Variants in RAPGEF3 observed in about 807,000 individuals in gnomAD.
The protein encoded by RAPGEF3 is Rap guanine nucleotide exchange factor 3, also known as 9330170P05Rik.
Under a neutral mutation model 129.8 loss-of-function variants are expected in RAPGEF3, and 103 were observed. The ratio of observed to expected loss-of-function variants is 0.79; its 90% CI spans 0.68 to 0.93. RAPGEF3 has a LOEUF of 0.93. Ranked by LOEUF, RAPGEF3 falls within the 40% of genes least tolerant of loss-of-function variation. RAPGEF3 has a pLI of 0.00. For synonymous variants in RAPGEF3, 436 were observed against 482.6 expected (o/e 0.90, Z 1.26); for missense variants, 1,117 against 1,207.4 (o/e 0.93, Z 1.11).
In RAPGEF3 at chr12:47,749,257, T is replaced by C; in HGVS notation, c.1041+133A>G. 2 of 1,135,866 alleles carry C rather than the reference T, an allele frequency of 1.8e-6. No individual in the cohort carries two copies. Among genetic ancestry groups the C allele is most frequent in the Non-Finnish European group, 2.6e-6 (2 of 774,216 alleles). 70.4% of individuals were successfully genotyped at this position (1,135,866 alleles called of 1,614,324 possible). Reference sequence around the variant, plus strand: ...CACACACCCAGGGCTATGGTCCCACTGCCAGCTGTCATAGCCCAGCATCTC... The same window carrying C: ...CACACACCCAGGGCTATGGTCCCACCGCCAGCTGTCATAGCCCAGCATCTC... On this transcript the variant is annotated intron_variant, in intron 10 of 27. Transcript: ENST00000449771. This position sits in a 1 kb window ranked among gnomAD's most constrained non-coding sequence, Gnocchi z 4.5.
chr12:47,737,667 C>A lies in RAPGEF3; in HGVS notation c.2672G>T (p.Ser891Ile), dbSNP rs143379828. 3 of 1,613,312 alleles carry A rather than the reference C, an allele frequency of 1.9e-6. No homozygotes were observed. The highest frequency in any genetic ancestry group is 2.7e-5 in the African/African-American group (2 of 74,932). ...RISTCSEQSL[S>I]TRSPASTWAY... ...CCAGGTGCTGGCTGGACTCCGGGTG[C>A]TCAGGGACTGCTCCGAGCCTGGTGG... Residue 891 changes from serine to isoleucine, a missense_variant, in exon 28 of 28, where the codon AGC becomes ATC. By Grantham distance (142) the Ser-to-Ile change is moderately radical (BLOSUM62 -2). Coordinates refer to ENST00000449771, the MANE Select transcript of RAPGEF3 (RefSeq NM_001098531.4).
chr12:47,738,919 T>C, intron 24 of RAPGEF3, 165 bp from the exon 25 acceptor site: 1 of 737,682 alleles, frequency 1.4e-6, no homozygotes, highest in East Asian at 2.6e-5. Context: ...TCTTAGGCCC[T>C]GAAGGCAGCC....
At chr12:47,757,749 G>T in intron 2 of RAPGEF3, 117 bp downstream of exon 2, 1 of 988,804 alleles carries the variant, frequency 1.0e-6, no homozygotes, top group Non-Finnish European at 1.5e-6. Flanking sequence ...CACGGCAGCT[G>T]TACCACTGTA....
Position 47,751,959 on chromosome 12 carries a change from G to A in RAPGEF3, c.230C>T (p.Thr77Ile). The change falls in exon 3 of 28, where the codon ACC (threonine) becomes ATC (isoleucine). Residue 77 changes from threonine (T) to isoleucine (I), a missense_variant. Around this residue, in one of 3 missense-constraint regions of RAPGEF3, gnomAD observed 367 missense variants for 373.4 expected, o/e 0.98. Coordinates refer to ENST00000449771, the MANE Select transcript of RAPGEF3 (RefSeq NM_001098531.4). ...CIQGLRWTPL[T>I]NSEESLDFSE... Reference sequence around the variant, plus strand: ...GAAATCCAGGGACTCCTCGCTGTTGGTGAGTGGTGTCTGGGGGCAGCAGGG... The same window carrying A: ...GAAATCCAGGGACTCCTCGCTGTTGATGAGTGGTGTCTGGGGGCAGCAGGG... 1 of 1,614,156 alleles carries A rather than the reference G, an allele frequency of 6.2e-7. No homozygotes were observed. Among genetic ancestry groups the A allele is most frequent in the Non-Finnish European group, 8.5e-7 (1 of 1,180,018 alleles).
At position 47,748,521 on chromosome 12, in the gene RAPGEF3, G is replaced by A. The variant is rs906692699; in HGVS notation, c.1176C>T (p.Thr392=). The A allele has an allele frequency of 2.5e-6, 4 of 1,613,898 alleles. No individual in the cohort carries two copies. In the East Asian group the frequency reaches 6.7e-5, roughly 27 times the overall value. ...GRNRYTVMSG[T]PEKILELLLE... ...ACAGAAGCTCTAGGATCTTCTCTGG[G>A]GTGCCAGACATCACTGTATACCTAG... The change falls in exon 12 of 28, where the codon ACC becomes ACT. Residue 392 remains threonine (T), a synonymous_variant. Transcript: ENST00000449771.
At chr12:47,743,778 G>A (rs1941283693) in intron 17 of RAPGEF3, 102 bp from the exon 18 acceptor site, 1 of 1,496,948 alleles carries the variant, frequency 6.7e-7, no homozygotes, top group African/African-American at 1.4e-5. Context: ...ATCCCCAAGA[G>A]GCTGAGCTGC....
At chr12:47,750,083 A>T (rs528160801) in intron 7 of RAPGEF3, 93 bp from the exon 8 acceptor site, 2 of 1,436,760 alleles carry the variant, frequency 1.4e-6, no homozygotes, top group Non-Finnish European at 2.0e-6. Context: ...CAAAGACACA[A>T]GTGCTGGGGG....
In RAPGEF3 at chr12:47,734,674, A is replaced by G. The variant is rs555332927; in HGVS notation, c.*2893T>C. On this transcript the variant is annotated 3_prime_UTR_variant, in exon 28 of 28. Transcript: ENST00000449771. The stretch of plus-strand genomic sequence containing the variant: ...TGAAAGAAGATGAAAACACCATTCA[A>G]GTCTTAACCTATTATTATCATGGTA... 2 of 152,404 alleles carry G rather than the reference A, an allele frequency of 1.3e-5. No individual in the cohort carries two copies. The highest frequency in any genetic ancestry group is 2.1e-4 in the South Asian group (1 of 4,834). The allele number at this position is 152,404 out of a possible 1,614,324, so 9.4% of individuals were successfully genotyped here. A position where few individuals can be genotyped will look rare whatever the true frequency, so the allele number is the denominator to read the frequency against.
Position 47,741,557 on chromosome 12 carries a change from A to G in RAPGEF3, c.1871T>C (p.Leu624Pro). The G allele has an allele frequency of 1.9e-6, 3 of 1,614,088 alleles. No individual in the cohort carries two copies. The highest frequency in any genetic ancestry group is 2.5e-6 in the Non-Finnish European group (3 of 1,179,994). The change falls in exon 19 of 28, where the codon CTG (leucine) becomes CCG (proline). Residue 624 changes from leucine (L) to proline (P), a missense_variant. By Grantham distance (98) the Leu-to-Pro change is moderately conservative. Coordinates refer to ENST00000449771, the MANE Select transcript of RAPGEF3 (RefSeq NM_001098531.4). Reference protein sequence around the residue: ...QPDARGVATSLGLNERLFVVN... With the variant: ...QPDARGVATSPGLNERLFVVN... ...AACAAAGAGACGCTCATTGAGCCCC[A>G]GAGATGTGGCCACACCACGGGCATC...
chr12:47,751,598 C>T (rs1941754009), intron 4 of RAPGEF3, 78 bp from the exon 5 acceptor site: 1 of 1,602,518 alleles, frequency 6.2e-7, no homozygotes, highest in East Asian at 2.2e-5. Flanking sequence ...AGAAAGGCAC[C>T]CTCTGAGGCC....
At position 47,749,332 on chromosome 12, in the gene RAPGEF3, C is replaced by T. The variant is rs1293759030; in HGVS notation, c.1041+58G>A. The T allele has an allele frequency of 1.2e-6, 2 of 1,600,518 alleles. No homozygotes were observed. Among genetic ancestry groups the T allele is most frequent in the East Asian group, 2.2e-5 (1 of 44,866 alleles). On this transcript the variant is annotated intron_variant, in intron 10 of 27. Coordinates refer to ENST00000449771, the MANE Select transcript of RAPGEF3 (RefSeq NM_001098531.4). The surrounding 1 kb of genome is among the most constrained non-coding windows in gnomAD (Gnocchi z 4.5). ...CCTCTGCTCTGGTCCCTACTCCTCT[C>T]TCCACATCACTTCTCTGGACGAATG...
chr12:47,746,772 G>C, intron 16 of RAPGEF3, 88 bp downstream of exon 16: 1 of 1,382,918 alleles, frequency 7.2e-7, no homozygotes, highest in South Asian at 1.2e-5. Context: ...AGCTTCCCAC[G>C]CCCACAGAGC....
At position 47,747,869 on chromosome 12, in the gene RAPGEF3, A is replaced by G; in HGVS notation, c.1323-7T>C. 1.2e-6 allele frequency: 2 copies of G among 1,601,882 alleles called. No homozygotes were observed. The highest frequency in any genetic ancestry group is 1.7e-6 in the Non-Finnish European group (2 of 1,179,380). On this transcript the variant is annotated splice_polypyrimidine_tract_variant and splice_region_variant and intron_variant, in intron 13 of 27. Coordinates refer to ENST00000449771, the MANE Select transcript of RAPGEF3 (RefSeq NM_001098531.4). ...CGCAGGCTCCACATGGAAGGTGGGC[A>G]CCAGTCAAGGGAACCACAACATCCA... is the stretch of plus-strand genomic sequence containing the variant.
In RAPGEF3 at chr12:47,749,674, C is replaced by T; in HGVS notation, c.894+67G>A. On this transcript the variant is annotated intron_variant, in intron 9 of 27. Transcript: ENST00000449771. This position sits in a 1 kb window ranked among gnomAD's most constrained non-coding sequence, Gnocchi z 4.5. ...GCAGTAGATCAACAAAGGCACTGCC[C>T]ATGAGGACATGGACCAGGGAGCAGT... 6.2e-7 allele frequency: 1 copy of T among 1,602,946 alleles called. No homozygotes were observed. Among genetic ancestry groups the T allele is most frequent in the South Asian group, 1.1e-5 (1 of 90,480 alleles).
chr12:47,737,568 C>A lies in RAPGEF3; in HGVS notation c.2771G>T (p.Ter924LeuextTer58). 6.2e-7 allele frequency: 1 copy of A among 1,611,836 alleles called. No homozygotes were observed. The highest frequency in any genetic ancestry group is 2.2e-5 in the East Asian group (1 of 44,802). Reference protein sequence around the residue: ...LSRLSRELEP* With the variant: ...LSRLSRELEPL ...TCCAGCTCCAGTCCCAGCCCCTCCT[C>A]ATGGCTCCAGCTCTCGGGAGAGGCG... The change falls in exon 28 of 28, where the codon TGA becomes TTA. Residue 924 changes from the stop codon to leucine (L), a stop_lost. Transcript: ENST00000449771.
At chr12:47,742,704 T>G (rs1941230027) in intron 18 of RAPGEF3, among the ~76,000 whole-genome samples, 1 of 152,148 alleles carries the variant, frequency 6.6e-6, no homozygotes, top group Non-Finnish European at 1.5e-5. Flanking sequence ...ACCCTGTGGG[T>G]AGATACAATT....
chr12:47,751,378 C>CCACCCTGGGCTCGGGCT (rs754851306), intron 5 of RAPGEF3, 21 bp downstream of exon 5: 1 of 1,613,326 alleles, frequency 6.2e-7, no homozygotes, highest in Admixed American at 1.7e-5. Context: ...CCGGGGCACC[C>CCACCCTGGGCTCGGGCT]CACCCTGGGC....
intron 15 of RAPGEF3, among the ~76,000 whole-genome samples, 161 bp downstream of exon 15, chr12:47,747,383 G>C (rs538425848): frequency 6.6e-6 from 1 of 152,308 alleles, no homozygotes; most frequent in African/African-American, 2.4e-5. Flanking sequence ...AGGGACATGT[G>C]GTGTGAGGGT....
chr12:47,758,044 C>A lies in RAPGEF3; in HGVS notation c.41G>T (p.Gly14Val), dbSNP rs753109148. The A allele has an allele frequency of 8.3e-6, 13 of 1,560,672 alleles. No individual in the cohort carries two copies. Among genetic ancestry groups the A allele is most frequent in the East Asian group, 2.3e-5 (1 of 42,888 alleles). The change falls in exon 2 of 28, where the codon GGC becomes GTC. Residue 14 changes from glycine to valine, a missense_variant. This residue lies in a region of RAPGEF3 where 367 missense variants were observed against 373.4 expected (regional missense o/e 0.98). Coordinates refer to ENST00000449771, the MANE Select transcript of RAPGEF3 (RefSeq NM_001098531.4). ...AGCTGGGCTATCCTCCACAGCCAGG[C>A]CCACCTGCCAGCAGCTCTCACCTGG... ...GWPGESCWQVGLAVEDSPALG... is the reference protein window; with the variant it reads ...GWPGESCWQVVLAVEDSPALG...
Sources: allele counts gnomAD v4.1 joint callset (sites outside exome capture counted in the v4.1 genomes callset), GRCh38; gene constraint gnomAD v4.1.1; regional missense constraint gnomAD v4.1.1; non-coding constraint Gnocchi (gnomAD v3.1); transcripts MANE v1.5; gene names NCBI Gene and HGNC (gene_info 2026-07-23, HGNC 2026-07-21).